The following CNBD1 variants were observed in gnomAD, a reference collection of about 807,000 sequenced individuals.
The protein encoded by CNBD1 is cyclic nucleotide binding domain containing 1.
CNBD1 carries 71 observed loss-of-function variants against 54.4 expected under a neutral mutation model. The observed-to-expected ratio is 1.30, with a 90% CI of 1.08 to 1.59. The LOEUF (loss-of-function observed/expected upper bound fraction) is 1.59. Among genes scored for constraint, CNBD1 ranks in the 40% most tolerant of loss-of-function variants. CNBD1 has a pLI of 0.00. For missense variants in CNBD1, 659 were observed against 518.0 expected (o/e 1.27, Z -2.64); for synonymous variants, 182 against 170.7 (o/e 1.07, Z -0.51).
chr8:87,421,906 T>C (rs1193241179), intron 2 of CNBD1, among the ~76,000 whole-genome samples: 1 of 147,418 alleles, frequency 6.8e-6, no homozygotes, highest in Non-Finnish European at 1.5e-5. Flanking sequence ...GTAAAAGTGT[T>C]CCTATTTCTC....
chr8:87,240,104 A>G (rs1375204263), intron 6 of CNBD1, among the ~76,000 whole-genome samples: 1 of 150,494 alleles, frequency 6.6e-6, no homozygotes, highest in Non-Finnish European at 1.5e-5. Flanking sequence ...ACACACACAC[A>G]GACACAAACA....
intron 5 of CNBD1, among the ~76,000 whole-genome samples, chr8:87,210,423 G>A (rs1814072450): frequency 6.6e-6 from 1 of 152,182 alleles, no homozygotes; most frequent in South Asian, 2.1e-4. Flanking sequence ...TGATAGCCAA[G>A]ACAGTGGGAA....
intron 8 of CNBD1, among the ~76,000 whole-genome samples, chr8:87,291,260 A>G (rs1015330226): frequency 1.4e-5 from 2 of 141,800 alleles, no homozygotes; most frequent in African/African-American, 2.7e-5. Flanking sequence ...TAGTGTCACT[A>G]TCGCCATTGA....
At chr8:86,974,723 T>C (rs762317184) in intron 4 of CNBD1, among the ~76,000 whole-genome samples, 1 of 151,920 alleles carries the variant, frequency 6.6e-6, no homozygotes, top group Non-Finnish European at 1.5e-5. Flanking sequence ...AAATATAATA[T>C]TATTTAGGAA....
intron 1 of CNBD1, among the ~76,000 whole-genome samples, chr8:86,878,078 A>C (rs1359591867): frequency 3.1e-5 from 2 of 63,696 alleles, no homozygotes; most frequent in African/African-American, 6.7e-5. Flanking sequence ...CTTTCATCAA[A>C]GCTGTGTGTG....
intron 4 of CNBD1, among the ~76,000 whole-genome samples, chr8:87,138,084 T>A (rs1005933940): frequency 1.3e-5 from 2 of 152,184 alleles, no homozygotes; most frequent in Admixed American, 1.3e-4. Flanking sequence ...AGTTACCAGA[T>A]AGGTTAGTTG....
chr8:87,320,720 T>C (rs1401691540), intron 8 of CNBD1, among the ~76,000 whole-genome samples: 2 of 152,106 alleles, frequency 1.3e-5, no homozygotes, highest in Non-Finnish European at 2.9e-5. Flanking sequence ...TTTTTTACTG[T>C]GATAAAAAAC....
chr8:87,051,707 G>A (rs747200922), intron 4 of CNBD1, among the ~76,000 whole-genome samples: 28 of 152,282 alleles, frequency 1.8e-4, no homozygotes, highest in African/African-American at 2.6e-4. Flanking sequence ...GTTTAAGAAC[G>A]CCTTTAAGTG....
At position 87,226,698 on chromosome 8, in the gene CNBD1, T is replaced by C. The variant is rs572421734; in HGVS notation, c.578-10221T>C. 4.6e-5 allele frequency among the ~76,000 whole-genome samples: 7 copies of C among 152,178 alleles called. No individual in the cohort carries two copies. In the South Asian group the frequency reaches 1.5e-3, roughly 32 times the overall value. On this transcript the variant is annotated intron_variant, in intron 5 of 10. Transcript: ENST00000518476. ...TTTTGGAATAGGTGTGGTGTGGTGCTGAAAAAAATGTATATTCTGTTGATT... is the reference window on the plus strand; with the variant it reads ...TTTTGGAATAGGTGTGGTGTGGTGCCGAAAAAAATGTATATTCTGTTGATT...
intron 4 of CNBD1, among the ~76,000 whole-genome samples, chr8:87,176,353 A>C (rs1813196998): frequency 6.6e-6 from 1 of 152,222 alleles, no homozygotes; most frequent in Admixed American, 6.5e-5. Flanking sequence ...ACCCAGTAAT[A>C]GGCTTAATTA....
intron 4 of CNBD1, among the ~76,000 whole-genome samples, chr8:87,139,104 A>T (rs1055324830): frequency 1.3e-5 from 2 of 152,206 alleles, no homozygotes; most frequent in Non-Finnish European, 2.9e-5. Context: ...GATATTGTGA[A>T]GGTGTACACC....
At chr8:86,931,020 T>C (rs1809448024) in intron 3 of CNBD1, among the ~76,000 whole-genome samples, 2 of 152,166 alleles carry the variant, frequency 1.3e-5, no homozygotes, top group South Asian at 4.1e-4. Context: ...TTATTCCCCA[T>C]ATTCATGTAG....
Position 87,231,943 on chromosome 8 carries a change from C to T in CNBD1, c.578-4976C>T, listed in dbSNP as rs1489536888. Among the ~76,000 whole-genome samples, 3 of 152,150 alleles carry T rather than the reference C, an allele frequency of 2.0e-5. No individual in the cohort carries two copies. The East Asian group carries it at 5.8e-4, about 29-fold the overall frequency. On this transcript the variant is annotated intron_variant, in intron 5 of 10. Transcript: ENST00000518476. Reference sequence around the variant, plus strand: ...CAGTCTGTTGTCTGTCCCATAGGGGCAATGGCTCTCTATTTCTTTTTTTAA... The same window carrying T: ...CAGTCTGTTGTCTGTCCCATAGGGGTAATGGCTCTCTATTTCTTTTTTTAA...
intron 4 of CNBD1, among the ~76,000 whole-genome samples, chr8:86,980,786 A>G (rs1413722661): frequency 6.6e-6 from 1 of 152,206 alleles, no homozygotes; most frequent in African/African-American, 2.4e-5. Context: ...TTAGGTAGAC[A>G]TTATTATTTT....
intron 6 of CNBD1, among the ~76,000 whole-genome samples, chr8:87,244,268 C>T (rs1259050221): frequency 6.6e-6 from 1 of 152,086 alleles, no homozygotes; most frequent in African/African-American, 2.4e-5. Flanking sequence ...TCTGATAAAC[C>T]TTTCCAAAGG....
chr8:87,423,579 T>G (rs908090852), intron 2 of CNBD1, among the ~76,000 whole-genome samples: 3 of 149,650 alleles, frequency 2.0e-5, no homozygotes, highest in African/African-American at 7.6e-5. Context: ...GGATTACATT[T>G]ATTGATTTGC....
intron 1 of CNBD1, among the ~76,000 whole-genome samples, chr8:86,873,674 A>T (rs1039275518): frequency 1.3e-5 from 2 of 152,078 alleles, no homozygotes; most frequent in African/African-American, 2.4e-5. Flanking sequence ...CCTTGAATTT[A>T]TGTAAGTGTT....
chr8:87,082,540 C>A (rs1176666267), intron 4 of CNBD1, among the ~76,000 whole-genome samples: 1 of 152,126 alleles, frequency 6.6e-6, no homozygotes, highest in Admixed American at 6.5e-5. Context: ...TCTGCCCGAG[C>A]TTGCTTTTTA....
At chr8:86,894,123 G>A (rs1163237648) in intron 2 of CNBD1, among the ~76,000 whole-genome samples, 7 of 123,854 alleles carry the variant, frequency 5.7e-5, no homozygotes, top group South Asian at 2.7e-4. Context: ...CTGCAGTGGC[G>A]CAATCTCGGC....
Sources: allele counts gnomAD v4.1 joint callset (sites outside exome capture counted in the v4.1 genomes callset), GRCh38; gene constraint gnomAD v4.1.1; transcripts MANE v1.5; gene names NCBI Gene and HGNC (gene_info 2026-07-23, HGNC 2026-07-21).